The following TRERF1 variants were observed in gnomAD, a reference collection of about 807,000 sequenced individuals.
TRERF1 encodes transcriptional regulating factor 1.
In TRERF1, 27 loss-of-function variants were observed where a neutral mutation model predicts 122.9. The observed-to-expected ratio is 0.22, with a 90% CI of 0.16 to 0.30. The LOEUF is 0.30. Among genes scored for constraint, TRERF1 ranks in the 10% least tolerant of loss-of-function variants. The probability of loss-of-function intolerance (pLI) is 1.00; values close to 1 mark genes in which losing one functional copy is unlikely to be tolerated. For synonymous variants in TRERF1, 636 were observed against 641.7 expected, an observed-to-expected ratio of 0.99 and a Z score of 0.13; for missense variants, 1,248 against 1,560.3, an observed-to-expected ratio of 0.80 and a Z score of 3.37.
rs1779787142 is a variant in TRERF1, at chr6:42,403,900, A to G, written c.-453-40821T>C. On this transcript the variant is annotated intron_variant, in intron 2 of 17. Transcript: ENST00000372922. ...TGCCCACATTCTTCTTGCTGGGCTC[A>G]TCCGCACTGACAGACTTGAAATTCC... Among the ~76,000 whole-genome samples, 3 of 152,082 alleles carry G rather than the reference A, an allele frequency of 2.0e-5. No individual in the cohort carries two copies. In the South Asian group the frequency reaches 6.2e-4, roughly 32 times the overall value.
At chr6:42,371,488 C>T (rs1367494947) in intron 2 of TRERF1, among the ~76,000 whole-genome samples, 2 of 152,162 alleles carry the variant, frequency 1.3e-5, no homozygotes, top group South Asian at 2.1e-4. Flanking sequence ...CTGAGGTCCT[C>T]CCAATGTAGC....
At chr6:42,335,943 G>A (rs555115633) in intron 3 of TRERF1, among the ~76,000 whole-genome samples, 16 of 152,190 alleles carry the variant, frequency 1.1e-4, no homozygotes, top group Non-Finnish European at 1.9e-4. Context: ...TTTCCACAAC[G>A]ATGGGGATAT....
intron 3 of TRERF1, among the ~76,000 whole-genome samples, chr6:42,301,755 G>A (rs554753159): frequency 6.6e-6 from 1 of 152,356 alleles, no homozygotes; most frequent in South Asian, 2.1e-4. Flanking sequence ...AGAGTTTGCA[G>A]AGAGCACCAC....
In TRERF1 at chr6:42,376,257, T is replaced by C. The variant is rs143176176; in HGVS notation, c.-453-13178A>G. On this transcript the variant is annotated intron_variant, in intron 2 of 17. Coordinates refer to ENST00000372922, the Ensembl canonical transcript of TRERF1. The stretch of plus-strand genomic sequence containing the variant: ...ACGTTCATTCCTCTCACCTAAAAGG[T>C]TTCTCCTTTTATAAGCTAATATGCA... 4.8e-3 allele frequency among the ~76,000 whole-genome samples: 736 copies of C among 152,360 alleles called. 7 individuals are homozygous for C. The highest frequency in any genetic ancestry group is 0.016 in the African/African-American group (679 of 41,578).
In TRERF1 at chr6:42,350,922, G is replaced by A. The variant is rs549459097; in HGVS notation, c.-371+12075C>T. 3.5e-4 allele frequency among the ~76,000 whole-genome samples: 53 copies of A among 151,962 alleles called. 2 individuals are homozygous for A. Among genetic ancestry groups the A allele is most frequent in the Non-Finnish European group, 1.5e-5 (1 of 67,994 alleles). On this transcript the variant is annotated intron_variant, in intron 3 of 17. Transcript: ENST00000372922. The stretch of plus-strand genomic sequence containing the variant: ...TGTACATGATTTTTCAAAAGATGGA[G>A]CACTGCAAAATAAAAATGAGAAAAG...
chr6:42,282,057 AC>A (rs1782396044), intron 4 of TRERF1, among the ~76,000 whole-genome samples: 1 of 152,208 alleles, frequency 6.6e-6, no homozygotes, highest in Admixed American at 6.5e-5. Context: ...GCCAGGCTGA[AC>A]TACTGCCCTC....
chr6:42,397,766 G>C (rs1778837134), intron 2 of TRERF1, among the ~76,000 whole-genome samples: 1 of 152,196 alleles, frequency 6.6e-6, no homozygotes, highest in South Asian at 2.1e-4. Flanking sequence ...TGACTTGCTA[G>C]TTTGGGCAGG....
At chr6:42,225,173 G>A (rs1303607671), downstream of TRERF1, 10 of 149,026 alleles carry the variant, frequency 6.7e-5, no homozygotes, top group Non-Finnish European at 1.5e-5. Context: ...CACTTGGAGG[G>A]GAAACAACCT....
chr6:42,287,824 C>T (rs1783541446), intron 4 of TRERF1, among the ~76,000 whole-genome samples: 1 of 152,084 alleles, frequency 6.6e-6, no homozygotes. Flanking sequence ...GACACACCAC[C>T]CTCTCCTTAA....
rs573567266 is a variant in TRERF1 at position 42,239,212 on chromosome 6, G to A, written c.2860-2801C>T. ...GGTAACTGTGCTGACATCATGGTGA[G>A]TTCTACCTTTGCCCTTGGAGCCCTG... On this transcript the variant is annotated intron_variant, in intron 15 of 17. Coordinates refer to ENST00000372922, the Ensembl canonical transcript of TRERF1. 7.2e-5 allele frequency among the ~76,000 whole-genome samples: 11 copies of A among 152,342 alleles called. No individual in the cohort carries two copies. In the East Asian group the frequency reaches 1.5e-3, roughly 21 times the overall value.
chr6:42,286,024 G>C (rs1420491707), intron 4 of TRERF1, among the ~76,000 whole-genome samples: 2 of 151,356 alleles, frequency 1.3e-5, no homozygotes, highest in African/African-American at 2.4e-5. Flanking sequence ...ACAAACCTGA[G>C]AAAAACAAGC....
chr6:42,447,231 T>C (rs1275678708), intron 2 of TRERF1, among the ~76,000 whole-genome samples: 1 of 152,234 alleles, frequency 6.6e-6, no homozygotes, highest in Non-Finnish European at 1.5e-5. Flanking sequence ...TAAACCAAAT[T>C]ACTACAAGCA....
At chr6:42,400,147 C>A (rs1279701960) in intron 2 of TRERF1, among the ~76,000 whole-genome samples, 1 of 152,178 alleles carries the variant, frequency 6.6e-6, no homozygotes, top group Non-Finnish European at 1.5e-5. Context: ...AGTCACAGGA[C>A]CTGCATCTTT....
intron 17 of TRERF1, among the ~76,000 whole-genome samples, chr6:42,231,228 C>T (rs561106418): frequency 1.4e-4 from 22 of 152,306 alleles, no homozygotes; most frequent in African/African-American, 4.8e-4. Context: ...TTTGCCCTTC[C>T]ACAATGGGAT....
chr6:42,403,787 G>A (rs1234843933), intron 2 of TRERF1, among the ~76,000 whole-genome samples: 3 of 152,140 alleles, frequency 2.0e-5, no homozygotes, highest in Non-Finnish European at 2.9e-5. Context: ...TTTTGTAACC[G>A]GAGCTTATAT....
At chr6:42,241,819 G>T (rs1463005775) in intron 15 of TRERF1, among the ~76,000 whole-genome samples, 2 of 152,202 alleles carry the variant, frequency 1.3e-5, no homozygotes, top group East Asian at 3.9e-4. Context: ...AGTGGCCTGA[G>T]ATTACAGGGG....
intron 4 of TRERF1, among the ~76,000 whole-genome samples, chr6:42,270,255 G>A (rs1779986261): frequency 6.6e-6 from 1 of 152,158 alleles, no homozygotes; most frequent in South Asian, 2.1e-4. Context: ...CCAGTGTCAT[G>A]CACTCCACAC....
At chr6:42,233,698 T>G (rs1348791145) in intron 16 of TRERF1, among the ~76,000 whole-genome samples, 1 of 152,148 alleles carries the variant, frequency 6.6e-6, no homozygotes, top group Non-Finnish European at 1.5e-5. Context: ...CTAAAAAAAC[T>G]CAGGCTCAAG....
In TRERF1 at chr6:42,256,836, T is replaced by C; in HGVS notation, c.2477-5A>G. The C allele has an allele frequency of 6.2e-7, 1 of 1,614,010 alleles. No individual in the cohort carries two copies. The highest frequency in any genetic ancestry group is 1.3e-5 in the African/African-American group (1 of 75,026). On this transcript the variant is annotated splice_region_variant and splice_polypyrimidine_tract_variant and intron_variant, in intron 11 of 17. Transcript: ENST00000372922. Reference sequence around the variant, plus strand: ...ACAAATTCAGAAGATTCTCCACTGTTGGGAATAAGGAGAAGCCAATGCATC... The same window carrying C: ...ACAAATTCAGAAGATTCTCCACTGTCGGGAATAAGGAGAAGCCAATGCATC...
Sources: gnomAD v4.1 joint callset for allele counts (sites outside exome capture counted in the v4.1 genomes callset) on GRCh38, gnomAD v4.1.1 for gene constraint, MANE v1.5 for transcripts, NCBI Gene and HGNC (gene_info 2026-07-23, HGNC 2026-07-21) for gene names.